UBN1: variants seen among roughly 807,000 people sequenced by gnomAD.
UBN1 encodes the protein ubinuclein 1.
UBN1 carries 17 observed loss-of-function variants against 108.5 expected under a neutral mutation model. The observed-to-expected ratio is 0.16, with a 90% CI of 0.11 to 0.24. The LOEUF (loss-of-function observed/expected upper bound fraction) is 0.24. Ranked by LOEUF, UBN1 falls within the 10% of genes least tolerant of loss-of-function variation. The pLI is 1.00. For missense variants in UBN1, 1,595 were observed against 1,394.4 expected (o/e 1.14, Z -2.29); for synonymous variants, 726 against 564.2 (o/e 1.29, Z -4.07).
rs1330147140 is a variant in UBN1 at position 4,853,130 on chromosome 16, C to T, written c.213C>T (p.Ile71=). The change falls in exon 2 of 18, where the codon ATC becomes ATT. Residue 71 remains isoleucine, a synonymous_variant. Transcript: ENST00000262376. ...TCTACCCAGAGCTGGTGAAGAATATCCGAGGGAAGGTAAAAGGCCTTCAGC... is the reference window on the plus strand; with the variant it reads ...TCTACCCAGAGCTGGTGAAGAATATTCGAGGGAAGGTAAAAGGCCTTCAGC... ...EFFYPELVKN[I]RGKVKGLQPG... is the part of the protein sequence containing the mutation. 2.5e-6 allele frequency: 4 copies of T among 1,614,060 alleles called. No individual in the cohort carries two copies. Among genetic ancestry groups the T allele is most frequent in the South Asian group, 1.1e-5 (1 of 91,080 alleles).
intron 1 of UBN1, among the ~76,000 whole-genome samples, chr16:4,849,620 TC>T (rs1290386567): frequency 1.3e-5 from 2 of 151,082 alleles, no homozygotes; most frequent in East Asian, 3.9e-4. Flanking sequence ...AGACGGAGTT[TC>T]ACTCTTGTCG....
At chr16:4,867,038 G>C (rs2087368474) in intron 7 of UBN1, among the ~76,000 whole-genome samples, 1 of 152,264 alleles carries the variant, frequency 6.6e-6, no homozygotes, top group Non-Finnish European at 1.5e-5. Context: ...AGAGAAGGCA[G>C]GGAGCAGAGC....
intron 11 of UBN1, 64 bp downstream of exon 11, chr16:4,871,036 C>G (rs2087606806): frequency 6.2e-7 from 1 of 1,606,142 alleles, no homozygotes; most frequent in Admixed American, 1.7e-5. Flanking sequence ...AGCACGTCCC[C>G]TATTGCTGAC....
chr16:4,859,254 G>T, intron 5 of UBN1, 95 bp downstream of exon 5: 1 of 1,509,192 alleles, frequency 6.6e-7, no homozygotes, highest in Non-Finnish European at 8.9e-7. Flanking sequence ...GCGCTTGGCC[G>T]GCTCAGGAGG....
intron 2 of UBN1, among the ~76,000 whole-genome samples, chr16:4,856,241 C>T (rs891714912): frequency 1.3e-5 from 2 of 152,186 alleles, no homozygotes; most frequent in African/African-American, 2.4e-5. Flanking sequence ...AGATGCCCTT[C>T]ACCATTGCAG....
rs778434493 is a variant in UBN1, at chr16:4,874,590, C to G, written c.2180C>G (p.Pro727Arg). The G allele has an allele frequency of 5.0e-6, 8 of 1,614,236 alleles. No individual in the cohort carries two copies. Among genetic ancestry groups the G allele is most frequent in the Admixed American group, 1.7e-5 (1 of 60,022 alleles). The change falls in exon 15 of 18, where the codon CCA becomes CGA. Residue 727 changes from proline (P) to arginine (R), a missense_variant. By Grantham distance (103) the Pro-to-Arg change is moderately radical. This residue lies in a region of UBN1 where 1,398 missense variants were observed against 1,194.7 expected (regional missense o/e 1.17). Coordinates refer to ENST00000262376, the MANE Select transcript of UBN1 (RefSeq NM_001079514.3). ...NFAKPSPSAP[P>R]PASSLQSPLN... ...GCGAAGCCTAGTCCTTCTGCTCCAC[C>G]ACCAGCTAGCTCTCTGCAGTCACCC...
intron 15 of UBN1, among the ~76,000 whole-genome samples, chr16:4,875,767 C>G (rs1198947654): frequency 6.6e-6 from 1 of 152,170 alleles, no homozygotes; most frequent in Non-Finnish European, 1.5e-5. Flanking sequence ...CTCTCCATCT[C>G]TCTAAAGGGG....
Position 4,853,306 on chromosome 16 carries a change from C to A in UBN1, c.249+140C>A, listed in dbSNP as rs149020139. The A allele has an allele frequency of 7.5e-6, 9 of 1,207,792 alleles. No homozygotes were observed. The South Asian group carries it at 7.8e-5, about 10-fold the overall frequency. The allele number at this position is 1,207,792 out of a possible 1,614,324, so 74.8% of individuals were successfully genotyped here. A position where few individuals can be genotyped will look rare whatever the true frequency, so the allele number is the denominator to read the frequency against. On this transcript the variant is annotated intron_variant, in intron 2 of 17. Coordinates refer to ENST00000262376, the MANE Select transcript of UBN1 (RefSeq NM_001079514.3). ...GATCCTGTCACTCACTCAAGGCAAG[C>A]ACAAGATTTGCTTCTCTTACCTCTG...
rs1247424260 is a variant in UBN1, at chr16:4,870,870, A to T, written c.1457A>T (p.Glu486Val). The T allele has an allele frequency of 1.2e-6, 2 of 1,613,856 alleles. No homozygotes were observed. Among genetic ancestry groups the T allele is most frequent in the African/African-American group, 2.7e-5 (2 of 74,858 alleles). ...AKMLEEEKDK[E>V]QRDRICSDEE... is the part of the protein sequence containing the mutation. ...ATGCTGGAAGAGGAGAAAGACAAGG[A>T]GCAGAGGGACCGGATTTGTTCGGAT... The change falls in exon 11 of 18, where the codon GAG (glutamate) becomes GTG (valine). Residue 486 changes from glutamate to valine, a missense_variant. By Grantham distance (121) the Glu-to-Val change is moderately radical. Around this residue, in one of 3 missense-constraint regions of UBN1, gnomAD observed 1,398 missense variants for 1,194.7 expected, o/e 1.17. Transcript: ENST00000262376.
chr16:4,866,852 G>C (rs1386117649), intron 7 of UBN1, among the ~76,000 whole-genome samples: 1 of 152,242 alleles, frequency 6.6e-6, no homozygotes, highest in African/African-American at 2.4e-5. Context: ...TTACATAAAT[G>C]GACCCGATAG....
intron 17 of UBN1, 27 bp from the exon 18 acceptor site, chr16:4,880,056 G>T (rs772783900): frequency 1.2e-6 from 2 of 1,613,400 alleles, no homozygotes; most frequent in Non-Finnish European, 1.7e-6. Context: ...AAAAACTTGC[G>T]TTCTAATTTT....
Position 4,858,049 on chromosome 16 carries a change from C to T in UBN1, c.309C>T (p.Ala103=), listed in dbSNP as rs1263364531. ...DEEKERHKVE[A]LARKFEEKYG... ...AAAAGGAAAGGCATAAAGTAGAGGC[C>T]CTTGCCCGAAAATTTGAAGAAAAAT... Residue 103 remains alanine, a synonymous_variant, in exon 3 of 18, where the codon GCC becomes GCT. Coordinates refer to ENST00000262376, the MANE Select transcript of UBN1 (RefSeq NM_001079514.3). 6 of 1,613,128 alleles carry T rather than the reference C, an allele frequency of 3.7e-6. No individual in the cohort carries two copies. Among genetic ancestry groups the T allele is most frequent in the Non-Finnish European group, 5.1e-6 (6 of 1,179,662 alleles).
At position 4,875,257 on chromosome 16, in the gene UBN1, C is replaced by A. The variant is rs764905281; in HGVS notation, c.2847C>A (p.Pro949=). The A allele has an allele frequency of 6.2e-7, 1 of 1,614,216 alleles. No individual in the cohort carries two copies. The highest frequency in any genetic ancestry group is 1.7e-5 in the Admixed American group (1 of 60,026). ...CCGTGGGACAGGCCACCAGCCGACC[C>A]GTCCCAAGTTCAGCAGGGAAAAAAA... The part of the protein sequence containing the change: ...PPSVGQATSR[P]VPSSAGKKMP... The change falls in exon 15 of 18, where the codon CCC becomes CCA. Residue 949 remains proline, a synonymous_variant. Transcript: ENST00000262376.
Position 4,874,709 on chromosome 16 carries a change from G to C in UBN1, c.2299G>C (p.Ala767Pro). 1 of 1,613,984 alleles carries C rather than the reference G, an allele frequency of 6.2e-7. No individual in the cohort carries two copies. Among genetic ancestry groups the C allele is most frequent in the Non-Finnish European group, 8.5e-7 (1 of 1,180,014 alleles). The change falls in exon 15 of 18, where the codon GCT becomes CCT. Residue 767 changes from alanine (A) to proline (P), a missense_variant. Physicochemically the swap from Ala to Pro is conservative, Grantham distance 27. Coordinates refer to ENST00000262376, the MANE Select transcript of UBN1 (RefSeq NM_001079514.3). The part of the protein sequence containing the change: ...SSGYKELSCQ[A>P]PLNKGLPEVH... ...TGGCTACAAAGAGCTGTCCTGCCAGGCTCCCCTCAATAAGGGCCTGCCAGA... is the reference window on the plus strand; with the variant it reads ...TGGCTACAAAGAGCTGTCCTGCCAGCCTCCCCTCAATAAGGGCCTGCCAGA...
chr16:4,859,782 G>A (rs982790818), intron 5 of UBN1, 83 bp from the exon 6 acceptor site: 15 of 1,582,490 alleles, frequency 9.5e-6, no homozygotes, highest in African/African-American at 1.4e-5. Context: ...ATGTGCCCCG[G>A]GCGGAGCAAG....
At chr16:4,870,696 C>G (rs1374955539) in intron 10 of UBN1, 62 bp downstream of exon 10, 11 of 1,602,422 alleles carry the variant, frequency 6.9e-6, no homozygotes, top group Non-Finnish European at 1.7e-6. Context: ...CCTCCCGTTT[C>G]TCGGTGTGTA....
intron 6 of UBN1, 106 bp downstream of exon 6, chr16:4,860,074 C>A (rs1243544972): frequency 2.1e-6 from 3 of 1,426,622 alleles, no homozygotes; most frequent in Non-Finnish European, 2.9e-6. Flanking sequence ...GGCAGCAGGG[C>A]CTGGCCTTCC....
chr16:4,878,787 G>C (rs2142301515), intron 17 of UBN1, among the ~76,000 whole-genome samples: 1 of 152,318 alleles, frequency 6.6e-6, no homozygotes, highest in Non-Finnish European at 1.5e-5. Context: ...AAGGCAGGAG[G>C]ATTGCCTGAG....
At position 4,874,580 on chromosome 16, in the gene UBN1, T is replaced by C. The variant is rs763813108; in HGVS notation, c.2170T>C (p.Ser724Pro). 3 of 1,614,086 alleles carry C rather than the reference T, an allele frequency of 1.9e-6. No individual in the cohort carries two copies. The highest frequency in any genetic ancestry group is 1.6e-4 in the Middle Eastern group (1 of 6,084). Residue 724 changes from serine to proline, a missense_variant, in exon 15 of 18, where the codon TCT (serine) becomes CCT (proline). Physicochemically the swap from Ser to Pro is moderately conservative, Grantham distance 74. Transcript: ENST00000262376. ...EKRNFAKPSPSAPPPASSLQS... is the reference protein window; with the variant it reads ...EKRNFAKPSPPAPPPASSLQS... ...AAGGAACTTTGCGAAGCCTAGTCCT[T>C]CTGCTCCACCACCAGCTAGCTCTCT...
Sources: allele counts gnomAD v4.1 joint callset (sites outside exome capture counted in the v4.1 genomes callset), GRCh38; gene constraint gnomAD v4.1.1; regional missense constraint gnomAD v4.1.1; transcripts MANE v1.5; gene names NCBI Gene and HGNC (gene_info 2026-07-23, HGNC 2026-07-21).